The following UGT1A10 variants were observed in gnomAD, a reference collection of about 807,000 sequenced individuals.
The protein encoded by UGT1A10 is UDP-glucuronosyltransferase 1A10.
A neutral mutation model predicts 45.8 loss-of-function variants in UGT1A10; 49 were observed. The ratio of observed to expected loss-of-function variants is 1.07; its 90% CI spans 0.85 to 1.36. The LOEUF is 1.36. Ranked by LOEUF, UGT1A10 falls within the 40% of genes most tolerant of loss-of-function variation. The pLI, the probability that UGT1A10 is intolerant of heterozygous loss-of-function variation, is 0.00. For missense variants in UGT1A10, 745 were observed against 668.6 expected (o/e 1.11, Z -1.26); for synonymous variants, 284 against 249.7 (o/e 1.14, Z -1.29).
chr2:233,664,881 G>A (rs1014039325), intron 1 of UGT1A10, among the ~76,000 whole-genome samples: 1 of 152,082 alleles, frequency 6.6e-6, no homozygotes, highest in Non-Finnish European at 1.5e-5. Flanking sequence ...GCCACTTCAT[G>A]GACCTCTCAG....
At chr2:233,700,064 G>T (rs1274980816) in intron 1 of UGT1A10, among the ~76,000 whole-genome samples, 2 of 152,314 alleles carry the variant, frequency 1.3e-5, no homozygotes, top group South Asian at 2.1e-4. Context: ...ATCCAGTGGT[G>T]TCTACCCAGC....
intron 1 of UGT1A10, among the ~76,000 whole-genome samples, chr2:233,678,796 G>T (rs10190976): frequency 0.61 from 92,694 of 151,890 alleles, 28,530 homozygotes; most frequent in South Asian, 0.65. Context: ...GCATCTATTG[G>T]CTCTTGAATT....
intron 1 of UGT1A10, chr2:233,760,122 C>T (rs535497865): frequency 2.2e-4 from 285 of 1,291,908 alleles, no homozygotes; most frequent in Non-Finnish European, 2.8e-4. Context: ...TAATAAAGCT[C>T]CACCTTCTTT....
chr2:233,680,731 T>C (rs188576651), intron 1 of UGT1A10, among the ~76,000 whole-genome samples: 1 of 151,888 alleles, frequency 6.6e-6, no homozygotes, highest in African/African-American at 2.4e-5. Context: ...GGGTGCTCGG[T>C]AGAATGGAGG....
chr2:233,752,292 T>A (rs1364554395), intron 1 of UGT1A10: 1 of 152,220 alleles, frequency 6.6e-6, no homozygotes, highest in Non-Finnish European at 1.5e-5. Flanking sequence ...CACAGGGTCA[T>A]GCCTTTCCTT....
At chr2:233,684,484 G>A (rs1575433006) in intron 1 of UGT1A10, among the ~76,000 whole-genome samples, 1 of 152,086 alleles carries the variant, frequency 6.6e-6, no homozygotes, top group African/African-American at 2.4e-5. Context: ...GTGGCTCAAA[G>A]GGTCACCCAA....
chr2:233,691,799 C>A (rs996955976), intron 1 of UGT1A10: 20 of 224,136 alleles, frequency 8.9e-5, no homozygotes, highest in Admixed American at 2.6e-4. Context: ...ACTTATACTT[C>A]TCAAATCTTA....
chr2:233,719,080 A>T (rs1329829423), intron 1 of UGT1A10: 1 of 1,614,142 alleles, frequency 6.2e-7, no homozygotes, highest in East Asian at 2.2e-5. Flanking sequence ...TGGACCCAGA[A>T]GGAATTTGAT....
intron 1 of UGT1A10, chr2:233,719,729 A>C: frequency 6.2e-7 from 1 of 1,613,584 alleles, no homozygotes. Context: ...TCCAGGCAAA[A>C]CACTTTTTAA....
rs2075120716 is a variant in UGT1A10 at position 233,692,935 on chromosome 2, A to G, written c.855+55558A>G. 4 of 1,587,686 alleles carry G rather than the reference A, an allele frequency of 2.5e-6. No homozygotes were observed. The South Asian group carries it at 4.8e-5, about 19-fold the overall frequency. On this transcript the variant is annotated intron_variant, in intron 1 of 4. Transcript: ENST00000344644. ...AAAAGCAGTGGTTAGTTTAGGGAAA[A>G]TACCTAGGAGCCCTGTGATTTGGAG...
At chr2:233,718,922 G>A (rs1204171284) in intron 1 of UGT1A10, 3 of 1,614,120 alleles carry the variant, frequency 1.9e-6, no homozygotes, top group Non-Finnish European at 2.5e-6. Context: ...TGTTGGTGGT[G>A]CCCACTGATG....
Position 233,693,540 on chromosome 2 carries a change from A to G in UGT1A10, c.855+56163A>G, listed in dbSNP as rs771085837. The G allele has an allele frequency of 3.7e-6, 6 of 1,614,004 alleles. No individual in the cohort carries two copies. In the South Asian group the frequency reaches 6.6e-5, roughly 18 times the overall value. ...TTCAGGGGTTTTCCGTGTTCCCTGG[A>G]GCATACATTCAGCAGAAGCCCAGAC... On this transcript the variant is annotated intron_variant, in intron 1 of 4. Transcript: ENST00000344644.
In UGT1A10 at chr2:233,729,945, G is replaced by A. The variant is rs752275204; in HGVS notation, c.856-37089G>A. ...ACCCCAGGCCAATCATGCCCAACAT[G>A]GTCTTCATTGGGGGCATCAACTGTG... On this transcript the variant is annotated intron_variant, in intron 1 of 4. Coordinates refer to ENST00000344644, the MANE Select transcript of UGT1A10 (RefSeq NM_019075.4). The A allele has an allele frequency of 3.7e-6, 6 of 1,613,976 alleles. No individual in the cohort carries two copies. Among genetic ancestry groups the A allele is most frequent in the Admixed American group, 1.7e-5 (1 of 60,020 alleles).
At chr2:233,767,192 A>G (rs752013731) in intron 2 of UGT1A10, 27 bp downstream of exon 2, 12 of 1,613,678 alleles carry the variant, frequency 7.4e-6, no homozygotes, top group Non-Finnish European at 9.3e-6. Flanking sequence ...CCATGGCCTC[A>G]TATCTATTTT....
intron 1 of UGT1A10, among the ~76,000 whole-genome samples, chr2:233,695,229 G>T (rs1218832857): frequency 6.6e-6 from 1 of 151,334 alleles, no homozygotes; most frequent in African/African-American, 2.4e-5. Context: ...GGGTTCAAGC[G>T]ATTCTCCTGC....
chr2:233,764,644 T>C (rs1207415683), intron 1 of UGT1A10, among the ~76,000 whole-genome samples: 1 of 151,998 alleles, frequency 6.6e-6, no homozygotes, highest in African/African-American at 2.4e-5. Context: ...CTAGGAAATT[T>C]AAGTAAGCCA....
At chr2:233,675,064 T>G (rs758014879) in intron 1 of UGT1A10, among the ~76,000 whole-genome samples, 1 of 152,130 alleles carries the variant, frequency 6.6e-6, no homozygotes, top group Non-Finnish European at 1.5e-5. Context: ...TGCAGGTGTG[T>G]TTGTGTGCAG....
intron 1 of UGT1A10, among the ~76,000 whole-genome samples, chr2:233,720,591 T>C (rs1428416416): frequency 6.6e-6 from 1 of 152,064 alleles, no homozygotes; most frequent in Non-Finnish European, 1.5e-5. Context: ...ATTTCAGAGG[T>C]GACTTTCATT....
At chr2:233,713,375 T>C in intron 1 of UGT1A10, 1 of 1,614,192 alleles carries the variant, frequency 6.2e-7, no homozygotes, top group Non-Finnish European at 8.5e-7. Flanking sequence ...ATAGGTCTTG[T>C]GTGGAGCTAC....
Sources: allele counts gnomAD v4.1 joint callset (sites outside exome capture counted in the v4.1 genomes callset), GRCh38; gene constraint gnomAD v4.1.1; transcripts MANE v1.5; gene names NCBI Gene and HGNC (gene_info 2026-07-23, HGNC 2026-07-21).